FEZ2: variants seen among roughly 807,000 people sequenced by gnomAD.
FEZ2 encodes the protein fasciculation and elongation protein zeta-2.
A neutral mutation model predicts 40.4 loss-of-function variants in FEZ2; 51 were observed. The ratio of observed to expected loss-of-function variants is 1.26; its 90% CI spans 1.01 to 1.59. The LOEUF is 1.59. Among genes scored for constraint, FEZ2 ranks in the 40% most tolerant of loss-of-function variants. FEZ2 has a pLI of 0.00. For missense variants in FEZ2, 640 were observed against 438.3 expected (o/e 1.46, Z -4.11); for synonymous variants, 242 against 172.0 (o/e 1.41, Z -3.18).
At position 36,562,193 on chromosome 2, in the gene FEZ2, A is replaced by T. The variant is rs553478129; in HGVS notation, c.904-3680T>A. ...ATATTTTTTCATGATTTTGTAAAAT[A>T]TTATTTTTCATAAATATATGCTCTT... On this transcript the variant is annotated intron_variant, in intron 5 of 7. Coordinates refer to ENST00000405912, the MANE Select transcript of FEZ2 (RefSeq NM_005102.3). 4.3e-3 allele frequency among the ~76,000 whole-genome samples: 649 copies of T among 152,248 alleles called. 3 individuals carry two copies. Among genetic ancestry groups the T allele is most frequent in the African/African-American group, 0.015 (628 of 41,542 alleles).
intron 5 of FEZ2, among the ~76,000 whole-genome samples, chr2:36,570,742 C>T (rs1347302668): frequency 6.6e-6 from 1 of 152,096 alleles, no homozygotes; most frequent in Non-Finnish European, 1.5e-5. Flanking sequence ...ATAATGTAGA[C>T]AACAGTAACA....
chr2:36,553,008 TAAAG>T lies in FEZ2; in HGVS notation c.*151_*154del. ...CCATATTTCCGTTGGTTCTATAATATAAAGAATTAGTGTAGTCAAGATCTGTTAA... is the reference window on the plus strand; with the variant it reads ...CCATATTTCCGTTGGTTCTATAATATAATTAGTGTAGTCAAGATCTGTTAA... On this transcript the variant is annotated 3_prime_UTR_variant, in exon 8 of 8. Transcript: ENST00000405912. The T allele has an allele frequency of 1.7e-6, 1 of 592,400 alleles. No homozygotes were observed. 36.7% of individuals were successfully genotyped at this position (592,400 alleles called of 1,614,324 possible). A position where few individuals can be genotyped will look rare whatever the true frequency, so the allele number is the denominator to read the frequency against.
chr2:36,578,854 GC>G lies in FEZ2; in HGVS notation c.645del (p.Arg215SerfsTer7). 1 of 1,609,474 alleles carries G rather than the reference GC, an allele frequency of 6.2e-7. No individual in the cohort carries two copies. On this transcript the variant is annotated frameshift_variant, in exon 5 of 8. Transcript: ENST00000405912. LOFTEE classifies it high-confidence loss of function. ...STGSYEERVK[R>X]LSVSELNEIL... ...ATTTCATTTAACTCAGACACTGAGA[GC>G]CTTTTCACTCCTGTGACCAAAAGCA...
chr2:36,580,503 G>A (rs1403614388), intron 4 of FEZ2, among the ~76,000 whole-genome samples: 2 of 152,156 alleles, frequency 1.3e-5, no homozygotes, highest in Non-Finnish European at 2.9e-5. Context: ...CTGTTCACAG[G>A]CTGGTTATAT....
intron 1 of FEZ2, among the ~76,000 whole-genome samples, chr2:36,593,058 C>G (rs1669115146): frequency 6.6e-6 from 1 of 152,126 alleles, no homozygotes; most frequent in Non-Finnish European, 1.5e-5. Flanking sequence ...TGGCTCATAC[C>G]TTCCTGGATA....
chr2:36,567,347 G>C (rs1315319965), intron 5 of FEZ2, among the ~76,000 whole-genome samples: 2 of 152,082 alleles, frequency 1.3e-5, no homozygotes, highest in African/African-American at 4.8e-5. Flanking sequence ...TTTCAGAAGA[G>C]TGAACAACGG....
chr2:36,574,643 G>T (rs919762912), intron 5 of FEZ2, among the ~76,000 whole-genome samples: 1 of 151,270 alleles, frequency 6.6e-6, no homozygotes, highest in African/African-American at 2.4e-5. Flanking sequence ...TAAAGGATGA[G>T]TGAGAAAAAA....
chr2:36,571,700 C>T (rs1349392807), intron 5 of FEZ2, among the ~76,000 whole-genome samples: 4 of 150,738 alleles, frequency 2.7e-5, no homozygotes, highest in Admixed American at 2.6e-4. Context: ...TCTCAAGCAC[C>T]ACTGCTTAGA....
intron 5 of FEZ2, among the ~76,000 whole-genome samples, chr2:36,570,024 C>T (rs970126308): frequency 2.6e-5 from 4 of 151,972 alleles, no homozygotes; most frequent in African/African-American, 9.7e-5. Context: ...GATTTTCAAA[C>T]ATTATAAAAC....
chr2:36,593,406 T>A (rs938963220), intron 1 of FEZ2, among the ~76,000 whole-genome samples: 3 of 152,090 alleles, frequency 2.0e-5, no homozygotes, highest in African/African-American at 7.2e-5. Context: ...ATGAGGGCCC[T>A]GCCCCTGCAA....
At chr2:36,583,578 C>G in intron 2 of FEZ2, 109 bp from the exon 3 acceptor site, 1 of 646,250 alleles carries the variant, frequency 1.5e-6, no homozygotes, top group Non-Finnish European at 2.8e-6. Flanking sequence ...AGAGCCTTCC[C>G]TCAAGAGGGA....
intron 1 of FEZ2, chr2:36,594,588 C>G (rs1412311102): frequency 6.5e-6 from 1 of 153,072 alleles, no homozygotes. Context: ...GACCAGCCCC[C>G]ATGATTCAAT....
intron 1 of FEZ2, among the ~76,000 whole-genome samples, chr2:36,592,796 CAG>C (rs1438989175): frequency 6.6e-6 from 1 of 152,076 alleles, no homozygotes; most frequent in Non-Finnish European, 1.5e-5. Context: ...GCCTGGGAGA[CAG>C]AGCAAGACCC....
chr2:36,575,534 G>C (rs759593916), intron 5 of FEZ2, among the ~76,000 whole-genome samples: 1 of 152,082 alleles, frequency 6.6e-6, no homozygotes, highest in South Asian at 2.1e-4. Flanking sequence ...ACAAATCCTT[G>C]CTGAATGAAT....
chr2:36,585,770 C>T (rs113206129), intron 2 of FEZ2, among the ~76,000 whole-genome samples: 3,407 of 152,216 alleles, frequency 0.022, 114 homozygotes, highest in African/African-American at 0.077. Context: ...TATGTAATTA[C>T]ATTGGGAAGA....
chr2:36,557,113 T>C (rs952554316), intron 6 of FEZ2: 3 of 152,208 alleles, frequency 2.0e-5, no homozygotes, highest in Non-Finnish European at 4.4e-5. Context: ...ATGTTCAGTA[T>C]TTCTGCTTCC....
chr2:36,576,575 T>G (rs574983514), intron 5 of FEZ2, among the ~76,000 whole-genome samples: 1 of 152,334 alleles, frequency 6.6e-6, no homozygotes, highest in East Asian at 1.9e-4. Context: ...CCGGCCGCAT[T>G]TTAGGCTTTA....
In FEZ2 at chr2:36,558,895, A is replaced by G. The variant is rs192628049; in HGVS notation, c.904-382T>C. On this transcript the variant is annotated intron_variant, in intron 5 of 7. Transcript: ENST00000405912. Reference sequence around the variant, plus strand: ...AAAAATAGCAATTTAAACTAAAAACATAGTTTTAACAGTTCTGCACAATAA... The same window carrying G: ...AAAAATAGCAATTTAAACTAAAAACGTAGTTTTAACAGTTCTGCACAATAA... 193 of 155,310 alleles carry G rather than the reference A, an allele frequency of 1.2e-3. 3 individuals are homozygous for G. Among genetic ancestry groups the G allele is most frequent in the South Asian group, 3.9e-3 (19 of 4,926 alleles). 9.6% of individuals were successfully genotyped at this position (155,310 alleles called of 1,614,324 possible).
At chr2:36,571,678 T>C (rs1298130216) in intron 5 of FEZ2, among the ~76,000 whole-genome samples, 1 of 149,118 alleles carries the variant, frequency 6.7e-6, no homozygotes, top group Non-Finnish European at 1.5e-5. Context: ...GTATGTCAGG[T>C]AGAATTTAGT....
Sources: allele counts gnomAD v4.1 joint callset (sites outside exome capture counted in the v4.1 genomes callset), GRCh38; gene constraint gnomAD v4.1.1; transcripts MANE v1.5; gene names NCBI Gene and HGNC (gene_info 2026-07-23, HGNC 2026-07-21).